CMYA5: variants seen among roughly 807,000 people sequenced by gnomAD.
The protein encoded by CMYA5 is cardiomyopathy associated 5, also known as cardiomyopathy-associated protein 5.
A neutral mutation model predicts 318.9 loss-of-function variants in CMYA5; 246 were observed. The ratio of observed to expected loss-of-function variants is 0.77; its 90% confidence interval spans 0.70 to 0.86. The LOEUF (loss-of-function observed/expected upper bound fraction) is 0.86. Among genes scored for constraint, CMYA5 ranks in the 40% least tolerant of loss-of-function variants. The pLI is 0.00. For synonymous variants in CMYA5, 1,641 were observed against 1,729.5 expected (o/e 0.95, Z 1.27); for missense variants, 4,589 against 4,678.2 (o/e 0.98, Z 0.56).
chr5:79,726,937 C>T lies in CMYA5; in HGVS notation c.150-1978C>T, dbSNP rs1251359205. Among the ~76,000 whole-genome samples the T allele has an allele frequency of 3.6e-4, 27 of 75,132 alleles. No individual in the cohort carries two copies. The South Asian group carries it at 4.1e-3, about 11-fold the overall frequency. 49.3% of individuals were successfully genotyped at this position (75,132 alleles called of 152,430 possible). ...TTTTTTTTTTTTTTTTTTTTTGAGA[C>T]GGAGTTTCACTGTTGTCACCCAGGC... On this transcript the variant is annotated intron_variant, in intron 1 of 12. Transcript: ENST00000446378.
chr5:79,747,044 CTCTT>C (rs1187634401), intron 4 of CMYA5, 43 bp from the exon 5 acceptor site: 1 of 1,115,142 alleles, frequency 9.0e-7, no homozygotes, highest in South Asian at 1.4e-5. Context: ...CTTTCTCTCT[CTCTT>C]TTTCTCTCTT....
intron 1 of CMYA5, among the ~76,000 whole-genome samples, chr5:79,692,521 T>C (rs960655511): frequency 3.3e-5 from 5 of 152,250 alleles, no homozygotes; most frequent in African/African-American, 1.2e-4. Context: ...CCTTCTGATA[T>C]ATCATCCAGT....
In CMYA5 at chr5:79,730,108, A is replaced by G. The variant is rs771950622; in HGVS notation, c.1343A>G (p.Gln448Arg). 9 of 1,613,728 alleles carry G rather than the reference A, an allele frequency of 5.6e-6. No homozygotes were observed. The highest frequency in any genetic ancestry group is 6.8e-6 in the Non-Finnish European group (8 of 1,179,898). ...AASPGLAAST[Q>R]DGLDPDQEQP... is the part of the protein sequence containing the mutation. Reference sequence around the variant, plus strand: ...TCACCAGGTCTGGCAGCATCTACCCAGGATGGTTTGGACCCAGACCAAGAA... The same window carrying G: ...TCACCAGGTCTGGCAGCATCTACCCGGGATGGTTTGGACCCAGACCAAGAA... The change falls in exon 2 of 13, where the codon CAG (glutamine) becomes CGG (arginine). Residue 448 changes from glutamine to arginine, a missense_variant. Coordinates refer to ENST00000446378, the MANE Select transcript of CMYA5 (RefSeq NM_153610.5).
intron 11 of CMYA5, among the ~76,000 whole-genome samples, chr5:79,792,131 A>C (rs1244689390): frequency 2.0e-5 from 3 of 152,194 alleles, no homozygotes; most frequent in Non-Finnish European, 4.4e-5. Context: ...GTTCTGGCCA[A>C]GGCTTCTCTG....
rs868123742 is a variant in CMYA5 at position 79,747,092 on chromosome 5, C to A, written c.10970C>A (p.Ser3657Ter). ...EELDEAVFLT[S>*]FEEINERLLS... is the part of the protein sequence containing the mutation. ...CCTTCCTCTCTCTTTCTCCCTAAGTCGTTTGAGGAAATCAATGAAAGGTAT... is the reference window on the plus strand; with the variant it reads ...CCTTCCTCTCTCTTTCTCCCTAAGTAGTTTGAGGAAATCAATGAAAGGTAT... The change falls in exon 5 of 13, where the codon TCG becomes TAG. Residue 3657 changes from serine to a stop codon, truncating the protein, a stop_gained and splice_region_variant. Transcript: ENST00000446378. LOFTEE classifies it high-confidence loss of function. 1 of 1,516,264 alleles carries A rather than the reference C, an allele frequency of 6.6e-7. No homozygotes were observed. The highest frequency in any genetic ancestry group is 2.0e-5 in the Admixed American group (1 of 50,548). 93.9% of individuals were successfully genotyped at this position (1,516,264 alleles called of 1,614,324 possible). A position where few individuals can be genotyped will look rare whatever the true frequency, so the allele number is the denominator to read the frequency against.
intron 9 of CMYA5, among the ~76,000 whole-genome samples, chr5:79,783,295 T>G (rs1347940974): frequency 8.7e-5 from 1 of 11,450 alleles, no homozygotes; most frequent in Non-Finnish European, 1.3e-4. Flanking sequence ...CCGCTGTTAG[T>G]CTGATGGGCT....
chr5:79,746,198 G>A (rs555298098), intron 4 of CMYA5, among the ~76,000 whole-genome samples: 2 of 152,274 alleles, frequency 1.3e-5, no homozygotes, highest in South Asian at 2.1e-4. Flanking sequence ...ACAGCAAGAA[G>A]CACTGCTCTT....
At chr5:79,796,670 G>T (rs1004014761) in intron 12 of CMYA5, among the ~76,000 whole-genome samples, 8 of 152,196 alleles carry the variant, frequency 5.3e-5, no homozygotes, top group Non-Finnish European at 8.8e-5. Flanking sequence ...AAAGTGCTGG[G>T]ATTACAGGCC....
At chr5:79,795,046 G>A (rs933800735) in intron 12 of CMYA5, among the ~76,000 whole-genome samples, 2 of 152,062 alleles carry the variant, frequency 1.3e-5, no homozygotes, top group Non-Finnish European at 2.9e-5. Flanking sequence ...TCTTTAAAAA[G>A]CCCACACCAA....
Position 79,729,768 on chromosome 5 carries a change from A to G in CMYA5, c.1003A>G (p.Thr335Ala). Residue 335 changes from threonine to alanine, a missense_variant, in exon 2 of 13, where the codon ACA becomes GCA. Thr to Ala is a moderately conservative substitution (Grantham distance 58, BLOSUM62 0). Coordinates refer to ENST00000446378, the MANE Select transcript of CMYA5 (RefSeq NM_153610.5). Reference protein sequence around the residue: ...KIYADSPLNATSALEHTVPSY... With the variant: ...KIYADSPLNAASALEHTVPSY... ...TTATGCTGATTCTCCCCTAAATGCC[A>G]CATCTGCATTGGAGCACACAGTTCC... 3 of 1,614,004 alleles carry G rather than the reference A, an allele frequency of 1.9e-6. No homozygotes were observed. The highest frequency in any genetic ancestry group is 1.7e-6 in the Non-Finnish European group (2 of 1,179,876).
chr5:79,741,796 CA>C, intron 2 of CMYA5, among the ~76,000 whole-genome samples: 1 of 152,260 alleles, frequency 6.6e-6, no homozygotes, highest in Middle Eastern at 3.4e-3. Context: ...TAAGTATTAT[CA>C]ATTTAAAACA....
At chr5:79,750,350 C>G (rs1828406879) in intron 5 of CMYA5, among the ~76,000 whole-genome samples, 1 of 152,168 alleles carries the variant, frequency 6.6e-6, no homozygotes, top group Non-Finnish European at 1.5e-5. Context: ...TTTAAGAATA[C>G]AGTATATAAT....
chr5:79,777,818 ATTGTT>A (rs1168105891), intron 9 of CMYA5, among the ~76,000 whole-genome samples: 1 of 151,756 alleles, frequency 6.6e-6, no homozygotes, highest in African/African-American at 2.4e-5. Context: ...GTTTTATTTT[ATTGTT>A]TTAAGAATAT....
In CMYA5 at chr5:79,738,598, C is replaced by T. The variant is rs1253681457; in HGVS notation, c.9833C>T (p.Ala3278Val). ...GKDDSYQPIA[A>V]EGEIWGKFGT... ...GATGATTCATACCAACCGATAGCTG[C>T]AGAAGGGGAAATTTGGGGAAAGTTT... Residue 3278 changes from alanine (A) to valine (V), a missense_variant, in exon 2 of 13, where the codon GCA (alanine) becomes GTA (valine). By Grantham distance (64) the Ala-to-Val change is moderately conservative. Around this residue, in one of 3 missense-constraint regions of CMYA5, gnomAD observed 2,431 missense variants for 2,495.1 expected, o/e 0.97. Coordinates refer to ENST00000446378, the MANE Select transcript of CMYA5 (RefSeq NM_153610.5). The T allele has an allele frequency of 1.9e-6, 3 of 1,613,524 alleles. No individual in the cohort carries two copies. Among genetic ancestry groups the T allele is most frequent in the East Asian group, 2.2e-5 (1 of 44,886 alleles).
In CMYA5 at chr5:79,761,999, C is replaced by T. The variant is rs184529077; in HGVS notation, c.11407+42C>T. On this transcript the variant is annotated intron_variant, in intron 8 of 12. Transcript: ENST00000446378. ...TAAGGGTGCATTAGAAGACAACGCT[C>T]AGTTCTTCACAGACTCTTGAGATCA... 777 of 1,575,446 alleles carry T rather than the reference C, an allele frequency of 4.9e-4. 4 individuals are homozygous for T. The highest frequency in any genetic ancestry group is 5.6e-5 in the Non-Finnish European group (65 of 1,159,508).
chr5:79,767,448 A>T (rs259107), intron 9 of CMYA5, among the ~76,000 whole-genome samples: 29,543 of 152,172 alleles, frequency 0.19, 2,940 homozygotes, highest in East Asian at 0.31. Flanking sequence ...TTAGTGCTGT[A>T]AATTTCCCTC....
At position 79,733,018 on chromosome 5, in the gene CMYA5, A is replaced by G. The variant is rs1561208551; in HGVS notation, c.4253A>G (p.Lys1418Arg). 1 of 1,613,474 alleles carries G rather than the reference A, an allele frequency of 6.2e-7. No homozygotes were observed. Among genetic ancestry groups the G allele is most frequent in the Non-Finnish European group, 8.5e-7 (1 of 1,179,666 alleles). ...DEHSVLAEED[K>R]VAIKGASPIE... Reference sequence around the variant, plus strand: ...CATTCAGTTCTTGCAGAAGAAGACAAGGTGGCAATTAAAGGTGCTTCTCCC... The same window carrying G: ...CATTCAGTTCTTGCAGAAGAAGACAGGGTGGCAATTAAAGGTGCTTCTCCC... The change falls in exon 2 of 13, where the codon AAG becomes AGG. Residue 1418 changes from lysine to arginine, a missense_variant. Lys to Arg is a conservative substitution (Grantham distance 26). Around this residue, in one of 3 missense-constraint regions of CMYA5, gnomAD observed 2,132 missense variants for 2,131.3 expected, o/e 1.00. Transcript: ENST00000446378.
At chr5:79,774,663 C>T (rs1828909125) in intron 9 of CMYA5, among the ~76,000 whole-genome samples, 1 of 152,186 alleles carries the variant, frequency 6.6e-6, no homozygotes, top group Admixed American at 6.5e-5. Flanking sequence ...CGGGGCCATC[C>T]TCCAGGGCAA....
Position 79,732,543 on chromosome 5 carries a change from C to T in CMYA5, c.3778C>T (p.Leu1260=). The T allele has an allele frequency of 2.5e-6, 4 of 1,612,980 alleles. No individual in the cohort carries two copies. Among genetic ancestry groups the T allele is most frequent in the Non-Finnish European group, 1.7e-6 (2 of 1,179,532 alleles). Residue 1260 remains leucine (L), a synonymous_variant, in exon 2 of 13, where the codon CTA becomes TTA. Transcript: ENST00000446378. ...PKKGVKPKLV[L]NVTSELEQRK... ...GAAGGGTGTCAAGCCCAAATTAGTT[C>T]TAAATGTGACTTCTGAACTAGAACA...
Sources: gnomAD v4.1 joint callset for allele counts (sites outside exome capture counted in the v4.1 genomes callset) on GRCh38, gnomAD v4.1.1 for gene constraint, gnomAD v4.1.1 regional missense constraint, MANE v1.5 for transcripts, NCBI Gene and HGNC (gene_info 2026-07-23, HGNC 2026-07-21) for gene names.